Variants in KASH5 observed in about 807,000 individuals in gnomAD.
The protein encoded by KASH5 is protein KASH5.
KASH5 carries 72 observed loss-of-function variants against 84.2 expected under a neutral mutation model. The ratio of observed to expected loss-of-function variants is 0.85; its 90% confidence interval spans 0.71 to 1.04. The LOEUF is 1.04. Among genes scored for constraint, KASH5 ranks in the 50% least tolerant of loss-of-function variants. The pLI, the probability that KASH5 is intolerant of heterozygous loss-of-function variation, is 0.00. For synonymous variants in KASH5, 260 were observed against 279.1 expected (o/e 0.93, Z 0.68); for missense variants, 650 against 701.0 (o/e 0.93, Z 0.82).
intron 5 of KASH5, among the ~76,000 whole-genome samples, chr19:49,396,341 G>A (rs1440958439): frequency 4.3e-5 from 6 of 138,256 alleles, no homozygotes; most frequent in Admixed American, 7.9e-5. Context: ...CGCCACCCCC[G>A]CCTCCTGGGT....
At chr19:49,401,975 C>T (rs1974374199) in intron 9 of KASH5, among the ~76,000 whole-genome samples, 1 of 152,180 alleles carries the variant, frequency 6.6e-6, no homozygotes, top group African/African-American at 2.4e-5. Flanking sequence ...GGCGCAGTGG[C>T]TCACGCCTGT....
In KASH5 at chr19:49,398,050, AG is replaced by A; in HGVS notation, c.537del (p.Asn180MetfsTer49). 1.9e-6 allele frequency: 3 copies of A among 1,613,764 alleles called. No homozygotes were observed. Among genetic ancestry groups the A allele is most frequent in the Non-Finnish European group, 2.5e-6 (3 of 1,179,784 alleles). ...LELSNRRLVG[E>X]NAKLQRSMET... is the part of the protein sequence containing the mutation. ...CTCAGCAACCGACGTCTGGTTGGGG[AG>A]AATGCCAAATTGCAGCGGAGCATGG... On this transcript the variant is annotated frameshift_variant, in exon 7 of 20. Coordinates refer to ENST00000447857, the MANE Select transcript of KASH5 (RefSeq NM_144688.5). LOFTEE classifies it high-confidence loss of function.
At chr19:49,403,656 G>A (rs1974436646) in intron 9 of KASH5, among the ~76,000 whole-genome samples, 1 of 152,310 alleles carries the variant, frequency 6.6e-6, no homozygotes, top group Non-Finnish European at 1.5e-5. Context: ...CCCATGGCTG[G>A]GGCTGGGACC....
At chr19:49,400,100 GCACCTGTAGTCCAGC>G (rs1974312485) in intron 9 of KASH5, among the ~76,000 whole-genome samples, 1 of 151,840 alleles carries the variant, frequency 6.6e-6, no homozygotes, top group East Asian at 1.9e-4. Context: ...ATGGTAGTGT[GCACCTGTAGTCCAGC>G]CACTCAGGAG....
chr19:49,407,346 A>G (rs778263346), intron 11 of KASH5, 50 bp downstream of exon 11: 2 of 1,582,850 alleles, frequency 1.3e-6, no homozygotes. Context: ...TGCACCAGCC[A>G]CTTCCTGCCC....
At chr19:49,407,753 C>A in intron 12 of KASH5, 82 bp downstream of exon 12, 1 of 1,405,470 alleles carries the variant, frequency 7.1e-7, no homozygotes, top group Non-Finnish European at 9.9e-7. Flanking sequence ...CTCTCCTCCT[C>A]GTGCCTCTTT....
At position 49,388,819 on chromosome 19, in the gene KASH5, G is replaced by C. The variant is rs1973898188; in HGVS notation, c.-96+492G>C. Reference sequence around the variant, plus strand: ...TAGAAATTGTCAGACTTCTCCCTCAGAGCCTGCCAGAAACTTTCCCCAAAA... The same window carrying C: ...TAGAAATTGTCAGACTTCTCCCTCACAGCCTGCCAGAAACTTTCCCCAAAA... On this transcript the variant is annotated intron_variant, in intron 1 of 19. Transcript: ENST00000447857. Among the ~76,000 whole-genome samples the C allele has an allele frequency of 2.0e-5, 3 of 151,718 alleles. No homozygotes were observed. In the South Asian group the frequency reaches 6.2e-4, roughly 32 times the overall value.
At chr19:49,391,133 T>C (rs369518033) in intron 2 of KASH5, among the ~76,000 whole-genome samples, 10 of 152,218 alleles carry the variant, frequency 6.6e-5, no homozygotes, top group African/African-American at 2.4e-4. Flanking sequence ...CCTTATCTCC[T>C]GTGGGGAGGC....
intron 5 of KASH5, among the ~76,000 whole-genome samples, chr19:49,396,319 A>G (rs1600904053): frequency 1.4e-5 from 2 of 146,216 alleles, no homozygotes; most frequent in South Asian, 4.3e-4. Flanking sequence ...CAATGGCGCA[A>G]TCTCAGCTCA....
intron 9 of KASH5, among the ~76,000 whole-genome samples, chr19:49,403,524 T>A (rs1297581002): frequency 6.6e-6 from 1 of 152,056 alleles, no homozygotes; most frequent in Non-Finnish European, 1.5e-5. Context: ...CCCAGGAGAA[T>A]ATGTGACCTT....
At chr19:49,402,158 C>T (rs2052506998) in intron 9 of KASH5, among the ~76,000 whole-genome samples, 1 of 151,808 alleles carries the variant, frequency 6.6e-6, no homozygotes, top group Admixed American at 6.6e-5. Flanking sequence ...AGGAGAATCG[C>T]TTGAACCCAG....
At chr19:49,404,754 G>T (rs1193310127) in intron 9 of KASH5, among the ~76,000 whole-genome samples, 3 of 152,128 alleles carry the variant, frequency 2.0e-5, no homozygotes, top group African/African-American at 7.2e-5. Flanking sequence ...TATAAAATTG[G>T]AAATGATTAT....
chr19:49,406,879 C>T lies in KASH5; in HGVS notation c.799-7C>T, dbSNP rs778923068. ...GAATGAACGTGACCAGCCATTCCTT[C>T]TTCTAGAACGGGAAGCTGCTTGCCG... On this transcript the variant is annotated splice_polypyrimidine_tract_variant and splice_region_variant and intron_variant, in intron 9 of 19. Transcript: ENST00000447857. 1.1e-5 allele frequency: 17 copies of T among 1,602,674 alleles called. No individual in the cohort carries two copies. The highest frequency in any genetic ancestry group is 1.4e-5 in the Non-Finnish European group (17 of 1,174,624).
intron 2 of KASH5, 98 bp downstream of exon 2, chr19:49,391,024 TG>T (rs1568607464): frequency 1.4e-6 from 2 of 1,379,756 alleles, no homozygotes; most frequent in Non-Finnish European, 2.0e-6. Flanking sequence ...GAGAGGTGGC[TG>T]GGGGTGGCTG....
chr19:49,399,229 A>T lies in KASH5; in HGVS notation c.747+87A>T, dbSNP rs1974285003. ...GGCAGAGTGTGACTATGGAGTAGGA[A>T]GGGGCAGAGGTCACCTGGCTTTCTC... On this transcript the variant is annotated intron_variant, in intron 8 of 19. Coordinates refer to ENST00000447857, the MANE Select transcript of KASH5 (RefSeq NM_144688.5). This position sits in a 1 kb window ranked among gnomAD's most constrained non-coding sequence, Gnocchi z 4.4. 2.6e-6 allele frequency: 3 copies of T among 1,173,128 alleles called. No individual in the cohort carries two copies. In the South Asian group the frequency reaches 4.6e-5, roughly 18 times the overall value. 72.7% of individuals were successfully genotyped at this position (1,173,128 alleles called of 1,614,324 possible).
At chr19:49,398,373 T>TCG (rs1491182212) in intron 7 of KASH5, among the ~76,000 whole-genome samples, 1 of 130,582 alleles carries the variant, frequency 7.7e-6, no homozygotes, top group Admixed American at 7.2e-5. Context: ...TCTCTCTCTC[T>TCG]TTTTTTTTTT....
chr19:49,395,569 C>A lies in KASH5; in HGVS notation c.336-200C>A. 1.6e-6 allele frequency: 1 copy of A among 636,442 alleles called. No homozygotes were observed. The highest frequency in any genetic ancestry group is 2.7e-6 in the Non-Finnish European group (1 of 365,476). The allele number at this position is 636,442 out of a possible 1,614,324, so 39.4% of individuals were successfully genotyped here. A position where few individuals can be genotyped will look rare whatever the true frequency, so the allele number is the denominator to read the frequency against. ...GGCTGACAGAGGTCCCTCCCCAACC[C>A]TTCACCAAACCCACTCCTTGCCCCT... On this transcript the variant is annotated intron_variant, in intron 4 of 19. Coordinates refer to ENST00000447857, the MANE Select transcript of KASH5 (RefSeq NM_144688.5). The surrounding 1 kb of genome is among the most constrained non-coding windows in gnomAD (Gnocchi z 4.4).
At chr19:49,408,920 T>C in intron 12 of KASH5, 47 bp from the exon 13 acceptor site, 1 of 1,546,372 alleles carries the variant, frequency 6.5e-7, no homozygotes, top group Non-Finnish European at 8.8e-7. Flanking sequence ...GATGGGAGGG[T>C]GGGAAAAATG....
At chr19:49,413,157 A>T in intron 16 of KASH5, 131 bp downstream of exon 16, 1 of 905,872 alleles carries the variant, frequency 1.1e-6, no homozygotes, top group Non-Finnish European at 1.7e-6. Flanking sequence ...TTCCGGGAGC[A>T]GAACCTGGGC....
Sources: gnomAD v4.1 joint callset for allele counts (sites outside exome capture counted in the v4.1 genomes callset) on GRCh38, gnomAD v4.1.1 for gene constraint, Gnocchi (gnomAD v3.1) non-coding constraint, MANE v1.5 for transcripts, NCBI Gene and HGNC (gene_info 2026-07-23, HGNC 2026-07-21) for gene names.